The following THOC2 variants were observed in gnomAD, a reference collection of about 807,000 sequenced individuals.
THOC2 encodes the protein THO complex subunit 2.
A neutral mutation model predicts 128.4 loss-of-function variants in THOC2; 10 were observed. The observed-to-expected ratio is 0.08, with a 90% CI of 0.05 to 0.13. THOC2 has a LOEUF of 0.13. Ranked by LOEUF, THOC2 falls within the 10% of genes least tolerant of loss-of-function variation. THOC2 has a pLI of 1.00. For missense variants in THOC2, 535 were observed against 1,155.7 expected (o/e 0.46, Z 7.79); for synonymous variants, 393 against 396.9 (o/e 0.99, Z 0.12).
chrX:123,709,628 C>T lies in THOC2; in HGVS notation c.131-2679G>A, dbSNP rs182790115. 2.7e-5 allele frequency among the ~76,000 whole-genome samples: 3 copies of T among 111,469 alleles called. No homozygotes were observed. In the Admixed American group the frequency reaches 2.8e-4, roughly 11 times the overall value. ...CCCCGAGAAGGTACTTCTAGAGATT[C>T]TTAGTTTTTGCGGGGTTTGAATGTT... On this transcript the variant is annotated intron_variant, in intron 2 of 38. Transcript: ENST00000245838.
chrX:123,625,012 G>A (rs1444685500), intron 25 of THOC2, among the ~76,000 whole-genome samples: 4 of 111,093 alleles, frequency 3.6e-5, no homozygotes, highest in African/African-American at 1.3e-4. Flanking sequence ...CTGGGTTTAC[G>A]GGGAGAGTAA....
At chrX:123,672,585 A>G (rs2049323355) in intron 8 of THOC2, among the ~76,000 whole-genome samples, 1 of 112,170 alleles carries the variant, frequency 8.9e-6, no homozygotes, top group Admixed American at 9.5e-5. Context: ...TATGCTAAGT[A>G]TATCTGGCTG....
intron 1 of THOC2, among the ~76,000 whole-genome samples, chrX:123,732,275 C>G (rs1178764662): frequency 2.7e-5 from 3 of 112,439 alleles, no homozygotes; most frequent in Non-Finnish European, 5.6e-5. Flanking sequence ...CGAAATAGCT[C>G]TAAGGTGAAA....
At chrX:123,670,480 A>G (rs1446951633) in intron 9 of THOC2, among the ~76,000 whole-genome samples, 5 of 112,389 alleles carry the variant, frequency 4.4e-5, no homozygotes, top group African/African-American at 1.3e-4. Context: ...TTACTTGGGC[A>G]TGGTGGCATG....
chrX:123,684,508 C>T (rs892623618), intron 8 of THOC2, among the ~76,000 whole-genome samples: 18 of 111,536 alleles, frequency 1.6e-4, no homozygotes, highest in African/African-American at 5.5e-4. Context: ...CTCAGCCTCC[C>T]GAGTAGTGGG....
chrX:123,685,699 T>C (rs750699917), intron 8 of THOC2, among the ~76,000 whole-genome samples: 2 of 111,675 alleles, frequency 1.8e-5, no homozygotes, highest in Non-Finnish European at 3.8e-5. Context: ...GAAGTAAAGG[T>C]TTTTGACCAG....
intron 11 of THOC2, among the ~76,000 whole-genome samples, chrX:123,666,522 T>C (rs1242596534): frequency 4.5e-5 from 5 of 111,528 alleles, no homozygotes; most frequent in African/African-American, 1.3e-4. Context: ...GCTGAGGCTT[T>C]TGAGGCAGGC....
chrX:123,698,250 G>C (rs991175354), intron 4 of THOC2, among the ~76,000 whole-genome samples: 12 of 110,699 alleles, frequency 1.1e-4, no homozygotes, highest in African/African-American at 3.9e-4. Context: ...ATGAGGTCAG[G>C]AGTTCAAGAC....
intron 7 of THOC2, among the ~76,000 whole-genome samples, chrX:123,692,859 G>GGTCA (rs756261259): frequency 1.1e-3 from 119 of 111,727 alleles, no homozygotes; most frequent in African/African-American, 3.8e-3. Context: ...GTCAGACCAA[G>GGTCA]TACCCTGAAA....
intron 16 of THOC2, among the ~76,000 whole-genome samples, 196 bp downstream of exon 16, chrX:123,640,342 A>G (rs998356305): frequency 1.3e-4 from 15 of 112,010 alleles, no homozygotes; most frequent in Non-Finnish European, 1.9e-5. Flanking sequence ...AATAACTATT[A>G]TATTGCCTGT....
intron 1 of THOC2, among the ~76,000 whole-genome samples, chrX:123,716,454 G>A (rs752890538): frequency 8.2e-5 from 9 of 109,546 alleles, no homozygotes; most frequent in African/African-American, 3.0e-4. Flanking sequence ...GGCCGGGCAC[G>A]GTGGCTCACG....
intron 7 of THOC2, 43 bp from the exon 8 acceptor site, chrX:123,686,757 A>C: frequency 1.0e-6 from 1 of 1,004,227 alleles, no homozygotes. Flanking sequence ...ATGATTATAC[A>C]TCATTTCTAG....
chrX:123,657,406 G>C (rs767243859), intron 12 of THOC2, among the ~76,000 whole-genome samples: 3 of 109,871 alleles, frequency 2.7e-5, no homozygotes, highest in African/African-American at 9.9e-5. Flanking sequence ...AAGCAAGACA[G>C]ATGCAAAAAG....
chrX:123,701,153 G>A (rs1035766620), intron 4 of THOC2, among the ~76,000 whole-genome samples: 1 of 111,409 alleles, frequency 9.0e-6, no homozygotes, highest in Non-Finnish European at 1.9e-5. Flanking sequence ...AGGAGTTTGA[G>A]ACCTACCTGG....
chrX:123,708,667 AT>A (rs1225524732), intron 2 of THOC2, among the ~76,000 whole-genome samples: 1 of 112,081 alleles, frequency 8.9e-6, no homozygotes, highest in Non-Finnish European at 1.9e-5. Flanking sequence ...GACCTGGGTC[AT>A]TTTGCTGAAA....
chrX:123,711,168 G>A (rs1344809962), intron 2 of THOC2, among the ~76,000 whole-genome samples: 1 of 101,851 alleles, frequency 9.8e-6, no homozygotes, highest in East Asian at 3.4e-4. Flanking sequence ...ATAGGCACAC[G>A]CCACCACACG....
rs761855233 is a variant in THOC2 at position 123,638,666 on chromosome X, C to A, written c.1840+268G>T. 5.5e-3 allele frequency among the ~76,000 whole-genome samples: 562 copies of A among 101,400 alleles called. 4 individuals are homozygous for A. The highest frequency in any genetic ancestry group is 0.017 in the African/African-American group (483 of 27,992). The allele number at this position is 101,400 out of a possible 115,157, so 88.1% of individuals were successfully genotyped here. A position where few individuals can be genotyped will look rare whatever the true frequency, so the allele number is the denominator to read the frequency against. On this transcript the variant is annotated intron_variant, in intron 17 of 38. Coordinates refer to ENST00000245838, the MANE Select transcript of THOC2 (RefSeq NM_001081550.2). ...AGAGCAAAAGTCTGTCTCACACACA[C>A]AAAAAAAAAAAGTTGGTAAGCCTAA...
At chrX:123,635,585 A>T (rs962166743) in intron 19 of THOC2, among the ~76,000 whole-genome samples, 1 of 111,948 alleles carries the variant, frequency 8.9e-6, no homozygotes, top group African/African-American at 3.2e-5. Context: ...AAACTTCAGT[A>T]TTTATAAAGA....
intron 38 of THOC2, among the ~76,000 whole-genome samples, chrX:123,606,509 G>C (rs1269194988): frequency 9.0e-6 from 1 of 111,164 alleles, no homozygotes; most frequent in Non-Finnish European, 1.9e-5. Flanking sequence ...CATGAGAATC[G>C]CTTGAACCCA....
Sources: allele counts gnomAD v4.1 joint callset (sites outside exome capture counted in the v4.1 genomes callset), GRCh38; gene constraint gnomAD v4.1.1; transcripts MANE v1.5; gene names NCBI Gene and HGNC (gene_info 2026-07-23, HGNC 2026-07-21).